Variants in ATAD2B observed in about 807,000 individuals in gnomAD.
The protein encoded by ATAD2B is ATPase family AAA domain containing 2B, also known as ATPase family AAA domain-containing protein 2B.
Under a neutral mutation model 167.6 loss-of-function variants are expected in ATAD2B, and 40 were observed. That is an observed-to-expected ratio of 0.24 (90% CI 0.19 to 0.31). ATAD2B has a LOEUF of 0.31. Among genes scored for constraint, ATAD2B ranks in the 10% least tolerant of loss-of-function variants. The probability of loss-of-function intolerance (pLI) is 1.00; values close to 1 mark genes in which losing one functional copy is unlikely to be tolerated. For missense variants in ATAD2B, 1,242 were observed against 1,757.2 expected (o/e 0.71, Z 5.24); for synonymous variants, 579 against 596.5 (o/e 0.97, Z 0.43).
chr2:23,861,607 G>T (rs1208145081), intron 12 of ATAD2B, among the ~76,000 whole-genome samples: 1 of 150,930 alleles, frequency 6.6e-6, no homozygotes, highest in African/African-American at 2.4e-5. Flanking sequence ...GGAGTAGCAT[G>T]ATTTATGCTA....
At chr2:23,770,752 A>G (rs1174062879) in intron 22 of ATAD2B, among the ~76,000 whole-genome samples, 1 of 152,204 alleles carries the variant, frequency 6.6e-6, no homozygotes, top group Non-Finnish European at 1.5e-5. Context: ...TAACTTTTTA[A>G]GTCTTACAAT....
intron 1 of ATAD2B, among the ~76,000 whole-genome samples, chr2:23,919,194 G>C (rs1009376978): frequency 2.6e-5 from 4 of 151,586 alleles, no homozygotes; most frequent in Non-Finnish European, 5.9e-5. Flanking sequence ...AAAAAAGAGA[G>C]AGAGAGAGAG....
intron 1 of ATAD2B, among the ~76,000 whole-genome samples, chr2:23,920,935 T>C (rs550493508): frequency 7.2e-5 from 11 of 152,234 alleles, no homozygotes; most frequent in Admixed American, 5.9e-4. Flanking sequence ...CCGGATGTGG[T>C]GGCTCATGCC....
At chr2:23,753,176 C>T (rs890382785) in intron 27 of ATAD2B, among the ~76,000 whole-genome samples, 1 of 152,082 alleles carries the variant, frequency 6.6e-6, no homozygotes, top group African/African-American at 2.4e-5. Flanking sequence ...GATCATCATC[C>T]GATCAACAAG....
downstream of ATAD2B, among the ~76,000 whole-genome samples, chr2:23,747,820 A>G (rs78780544): frequency 4.1e-3 from 617 of 152,226 alleles, 28 homozygotes; most frequent in East Asian, 0.11. Context: ...ATAACTTTGT[A>G]GGTGTCAGGG....
At chr2:23,862,657 T>C (rs907553595) in intron 12 of ATAD2B, among the ~76,000 whole-genome samples, 1 of 152,202 alleles carries the variant, frequency 6.6e-6, no homozygotes, top group African/African-American at 2.4e-5. Flanking sequence ...CCACATGATA[T>C]TTATTCACCC....
At chr2:23,851,385 C>A (rs533344871) in intron 13 of ATAD2B, among the ~76,000 whole-genome samples, 71 of 152,322 alleles carry the variant, frequency 4.7e-4, no homozygotes, top group African/African-American at 1.6e-3. Context: ...AAGAGATCCA[C>A]TGTCCTTGGC....
chr2:23,765,415 T>C (rs1677275237), intron 23 of ATAD2B, 91 bp downstream of exon 23: 3 of 1,059,698 alleles, frequency 2.8e-6, no homozygotes, highest in Non-Finnish European at 1.3e-6. Context: ...ACTTTCATAA[T>C]ACCAGCAATC....
chr2:23,794,023 T>C (rs1682220975), intron 19 of ATAD2B, among the ~76,000 whole-genome samples: 1 of 147,794 alleles, frequency 6.8e-6, no homozygotes. Flanking sequence ...CTGTTTTATC[T>C]TTTTTTTGAG....
intron 7 of ATAD2B, among the ~76,000 whole-genome samples, chr2:23,878,643 A>C (rs1366528193): frequency 1.3e-5 from 2 of 152,210 alleles, no homozygotes; most frequent in Non-Finnish European, 2.9e-5. Context: ...TGGGCGACAG[A>C]GCAAGACTCC....
chr2:23,863,312 C>T, intron 12 of ATAD2B, 69 bp downstream of exon 12: 1 of 1,470,588 alleles, frequency 6.8e-7, no homozygotes, highest in Non-Finnish European at 9.1e-7. Context: ...GGCCCTGTCT[C>T]AAAAAAACAA....
chr2:23,701,793 CTTTTTTT>C, the ATAD2B span, among the ~76,000 whole-genome samples: 124 of 22,510 alleles, frequency 5.5e-3, no homozygotes, highest in East Asian at 0.029. Flanking sequence ...CTTTTTTTTG[CTTTTTTT>C]TTTTTTTTTT....
intron 24 of ATAD2B, among the ~76,000 whole-genome samples, chr2:23,760,711 C>CACACACACACACATAT (rs1553373317): frequency 7.5e-6 from 1 of 132,926 alleles, no homozygotes; most frequent in Non-Finnish European, 1.6e-5. Flanking sequence ...CACACACACA[C>CACACACACACACATAT]ACACACACAC....
At chr2:23,733,798 T>TACTATACCTTCCCC in the ATAD2B span, among the ~76,000 whole-genome samples, 2 of 152,164 alleles carry the variant, frequency 1.3e-5, no homozygotes, top group African/African-American at 4.8e-5. Flanking sequence ...TCACCATCCC[T>TACTATACCTTCCCC]ACTATACCTT....
At chr2:23,852,561 T>G (rs578014099) in intron 13 of ATAD2B, among the ~76,000 whole-genome samples, 2 of 152,354 alleles carry the variant, frequency 1.3e-5, no homozygotes, top group South Asian at 4.1e-4. Flanking sequence ...CCAATAATTT[T>G]TTAAGAAAGA....
chr2:23,705,862 G>A, the ATAD2B span, among the ~76,000 whole-genome samples: 4 of 152,200 alleles, frequency 2.6e-5, no homozygotes, highest in African/African-American at 4.8e-5. Flanking sequence ...GCCAGATGCT[G>A]AGCCCTCATG....
intron 14 of ATAD2B, among the ~76,000 whole-genome samples, chr2:23,830,609 C>A (rs1688897835): frequency 1.3e-5 from 2 of 152,252 alleles, no homozygotes; most frequent in Admixed American, 6.5e-5. Context: ...TCAATAGCTA[C>A]AGTTTCAATT....
chr2:23,793,498 C>T (rs1035848273), intron 19 of ATAD2B, among the ~76,000 whole-genome samples: 2 of 152,068 alleles, frequency 1.3e-5, no homozygotes, highest in Admixed American at 1.3e-4. Flanking sequence ...TCCCATATAT[C>T]TCAAATAAAA....
At chr2:23,712,532 G>A in the ATAD2B span, among the ~76,000 whole-genome samples, 1 of 152,184 alleles carries the variant, frequency 6.6e-6, no homozygotes, top group Non-Finnish European at 1.5e-5. Flanking sequence ...TGGAATCACA[G>A]CCTCGGCCTG....
Sources: allele counts gnomAD v4.1 joint callset (sites outside exome capture counted in the v4.1 genomes callset), GRCh38; gene constraint gnomAD v4.1.1; transcripts MANE v1.5; gene names NCBI Gene and HGNC (gene_info 2026-07-23, HGNC 2026-07-21).